Variants in PARN observed in about 807,000 individuals in gnomAD.
The protein encoded by PARN is poly(A)-specific ribonuclease PARN.
In PARN, 71 loss-of-function variants were observed where a neutral mutation model predicts 102.8. That is an observed-to-expected ratio of 0.69 (90% CI 0.57 to 0.84). The LOEUF is 0.84. Among genes scored for constraint, PARN ranks in the 40% least tolerant of loss-of-function variants. PARN has a pLI of 0.00. For missense variants in PARN, 782 were observed against 760.9 expected (o/e 1.03, Z -0.33); for synonymous variants, 261 against 252.9 (o/e 1.03, Z -0.30).
chr16:14,606,460 G>A (rs753651707), intron 10 of PARN, 24 bp downstream of exon 10: 1 of 1,406,402 alleles, frequency 7.1e-7, no homozygotes. Flanking sequence ...TTTAATGTTA[G>A]CCCTAGATAA....
intron 18 of PARN, among the ~76,000 whole-genome samples, chr16:14,556,115 G>T (rs915697848): frequency 6.6e-6 from 1 of 151,304 alleles, no homozygotes; most frequent in Non-Finnish European, 1.5e-5. Context: ...CATTACAGGC[G>T]TGAGCCACCA....
intron 21 of PARN, among the ~76,000 whole-genome samples, chr16:14,517,375 T>A (rs966634554): frequency 4.6e-5 from 7 of 152,202 alleles, no homozygotes; most frequent in African/African-American, 1.7e-4. Context: ...AGGGGCCACA[T>A]GGGGAGAGGC....
At chr16:14,470,785 A>G (rs748266237) in intron 22 of PARN, among the ~76,000 whole-genome samples, 15 of 151,962 alleles carry the variant, frequency 9.9e-5, no homozygotes, top group Non-Finnish European at 1.5e-4. Context: ...TAAAAAATAC[A>G]TATAGATATT....
intron 22 of PARN, among the ~76,000 whole-genome samples, chr16:14,478,748 G>GAA (rs1963212271): frequency 6.6e-6 from 1 of 152,196 alleles, no homozygotes; most frequent in Non-Finnish European, 1.5e-5. Context: ...ATTTAAAAAG[G>GAA]TTGCAAAATA....
In PARN at chr16:14,446,928, G is replaced by T. The variant is rs372735495; in HGVS notation, c.1824C>A (p.Ala608=). 8.1e-6 allele frequency: 13 copies of T among 1,612,564 alleles called. No homozygotes were observed. The highest frequency in any genetic ancestry group is 2.7e-5 in the African/African-American group (2 of 74,782). ...CCTTCTTCATTCTTTTTAATTTCTTGGCCTTTTTCCTTCCCTCTGAGAGGG... is the reference window on the plus strand; with the variant it reads ...CCTTCTTCATTCTTTTTAATTTCTTTGCCTTTTTCCTTCCCTCTGAGAGGG... ...AEPLSEGRKK[A]KKLKRMKKEL... The change falls in exon 23 of 24, where the codon GCC becomes GCA. Residue 608 remains alanine, a synonymous_variant. Transcript: ENST00000437198.
chr16:14,534,221 G>GAAAAAAAAAAAA (rs1214382920), intron 21 of PARN, among the ~76,000 whole-genome samples: 1 of 59,386 alleles, frequency 1.7e-5, no homozygotes, highest in Non-Finnish European at 3.3e-5. Context: ...CCCTGTCTCA[G>GAAAAAAAAAAAA]AAAAAAAAAA....
chr16:14,595,761 C>T (rs1970468757), intron 12 of PARN, among the ~76,000 whole-genome samples: 2 of 152,116 alleles, frequency 1.3e-5, no homozygotes, highest in South Asian at 2.1e-4. Flanking sequence ...AAACTCCTGA[C>T]CTCACGTGAT....
chr16:14,604,362 G>C (rs2151787871), intron 10 of PARN, 136 bp from the exon 11 acceptor site: 1 of 612,086 alleles, frequency 1.6e-6, no homozygotes, highest in East Asian at 2.9e-5. Context: ...CTGGGTTCAA[G>C]CGATTATCTT....
At chr16:14,627,465 AT>A in intron 3 of PARN, 129 bp from the exon 4 acceptor site, 1 of 651,522 alleles carries the variant, frequency 1.5e-6, no homozygotes, top group Non-Finnish European at 2.7e-6. Context: ...ATTAGAACAG[AT>A]TACACATATG....
chr16:14,445,480 T>C (rs750195377), intron 23 of PARN, among the ~76,000 whole-genome samples: 68 of 152,246 alleles, frequency 4.5e-4, no homozygotes, highest in Non-Finnish European at 2.4e-4. Context: ...ACTGTCACGA[T>C]GTGAGACAAA....
chr16:14,493,428 C>A (rs918827372), intron 21 of PARN, among the ~76,000 whole-genome samples: 1 of 152,166 alleles, frequency 6.6e-6, no homozygotes, highest in Admixed American at 6.6e-5. Flanking sequence ...GTTGTCCAGG[C>A]TGTTCTCAAA....
chr16:14,506,279 G>A (rs1964891209), intron 21 of PARN, among the ~76,000 whole-genome samples: 1 of 152,236 alleles, frequency 6.6e-6, no homozygotes, highest in Middle Eastern at 3.4e-3. Context: ...GGAGACTAAA[G>A]ACTAAAGAGC....
chr16:14,552,880 G>A (rs748251307), intron 20 of PARN, among the ~76,000 whole-genome samples: 10 of 151,958 alleles, frequency 6.6e-5, no homozygotes, highest in African/African-American at 1.9e-4. Context: ...CCTGGGAGGC[G>A]GAGGTTGAGG....
intron 23 of PARN, among the ~76,000 whole-genome samples, chr16:14,441,494 G>A (rs1411088243): frequency 2.6e-5 from 4 of 152,176 alleles, no homozygotes; most frequent in East Asian, 3.8e-4. Flanking sequence ...GTGGACATCC[G>A]TACACAGGAA....
chr16:14,556,544 C>T (rs1440936333), intron 18 of PARN, among the ~76,000 whole-genome samples: 3 of 152,166 alleles, frequency 2.0e-5, no homozygotes, highest in Admixed American at 6.5e-5. Context: ...AAAAAACAAA[C>T]AAGCAACAAA....
chr16:14,482,823 G>A lies in PARN; in HGVS notation c.1485C>T (p.Val495=). Residue 495 remains valine (V), a synonymous_variant, in exon 22 of 24, where the codon GTC becomes GTT. Transcript: ENST00000437198. ...LSQPEQVKIA[V]NTSKYAESYR... is the part of the protein sequence containing the mutation. ...AGCTTTCTGCATATTTGCTGGTATT[G>A]ACAGCTACAAGGAAAAGAAAAAAAA... is the stretch of plus-strand genomic sequence containing the variant. The A allele has an allele frequency of 6.2e-7, 1 of 1,603,550 alleles. No homozygotes were observed. Among genetic ancestry groups the A allele is most frequent in the Non-Finnish European group, 8.5e-7 (1 of 1,176,362 alleles).
chr16:14,456,449 T>C (rs1961683324), intron 22 of PARN, among the ~76,000 whole-genome samples: 1 of 152,120 alleles, frequency 6.6e-6, no homozygotes, highest in Non-Finnish European at 1.5e-5. Flanking sequence ...GCCGGTATTA[T>C]AGGCGTGAAC....
At chr16:14,526,322 G>C (rs1275487479) in intron 21 of PARN, among the ~76,000 whole-genome samples, 1 of 151,804 alleles carries the variant, frequency 6.6e-6, no homozygotes, top group Non-Finnish European at 1.5e-5. Context: ...GACTACAGGT[G>C]CCTGCCACCA....
intron 5 of PARN, among the ~76,000 whole-genome samples, chr16:14,618,932 G>T (rs562269940): frequency 6.6e-6 from 1 of 151,720 alleles, no homozygotes; most frequent in Admixed American, 6.6e-5. Flanking sequence ...ACGGTGGCTC[G>T]CACCTGTAAT....
Sources: gnomAD v4.1 joint callset for allele counts (sites outside exome capture counted in the v4.1 genomes callset) on GRCh38, gnomAD v4.1.1 for gene constraint, MANE v1.5 for transcripts, NCBI Gene and HGNC (gene_info 2026-07-23, HGNC 2026-07-21) for gene names.